MCF2L2: variants seen among roughly 807,000 people sequenced by gnomAD.
MCF2L2 encodes MCF.2 cell line derived transforming sequence-like 2.
A neutral mutation model predicts 150.2 loss-of-function variants in MCF2L2; 102 were observed. That is an observed-to-expected ratio of 0.68 (90% CI 0.58 to 0.80). MCF2L2 has a LOEUF of 0.80. Ranked by LOEUF, MCF2L2 falls within the 30% of genes least tolerant of loss-of-function variation. The pLI is 0.00. For synonymous variants in MCF2L2, 465 were observed against 491.3 expected, an observed-to-expected ratio of 0.95 and a Z score of 0.71; for missense variants, 1,256 against 1,372.8, an observed-to-expected ratio of 0.91 and a Z score of 1.34.
In MCF2L2 at chr3:183,411,131, G is replaced by A. The variant is rs561206721; in HGVS notation, c.76+16771C>T. Among the ~76,000 whole-genome samples the A allele has an allele frequency of 3.9e-5, 6 of 152,280 alleles. No homozygotes were observed. In the East Asian group the frequency reaches 7.7e-4, roughly 20 times the overall value. ...TGGTCCTGCCACTTACCAGCAAGAT[G>A]CTCCAAAAGGAGCTAATTTTTTTTT... On this transcript the variant is annotated intron_variant, in intron 1 of 29. Transcript: ENST00000328913.
chr3:183,211,277 C>T (rs1339929746), intron 22 of MCF2L2, among the ~76,000 whole-genome samples: 4 of 152,110 alleles, frequency 2.6e-5, no homozygotes, highest in African/African-American at 9.7e-5. Context: ...TTCCCATCTC[C>T]GCGAACTTGG....
chr3:183,189,161 G>C (rs1053747402), intron 27 of MCF2L2, among the ~76,000 whole-genome samples: 9 of 152,162 alleles, frequency 5.9e-5, no homozygotes, highest in African/African-American at 2.2e-4. Flanking sequence ...CTCACTGCTG[G>C]GGCCGAGCAC....
At chr3:183,233,940 A>G (rs1473434356) in intron 15 of MCF2L2, among the ~76,000 whole-genome samples, 1 of 152,226 alleles carries the variant, frequency 6.6e-6, no homozygotes, top group Non-Finnish European at 1.5e-5. Flanking sequence ...AAATACTTGT[A>G]TAAGACAAGA....
chr3:183,364,496 G>T (rs1056735782), intron 3 of MCF2L2, among the ~76,000 whole-genome samples: 1 of 151,788 alleles, frequency 6.6e-6, no homozygotes, highest in Non-Finnish European at 1.5e-5. Context: ...CTCCAGCCTG[G>T]GCAACAGAGC....
chr3:183,384,224 C>T (rs1713697869), intron 2 of MCF2L2, among the ~76,000 whole-genome samples: 1 of 152,210 alleles, frequency 6.6e-6, no homozygotes, highest in African/African-American at 2.4e-5. Flanking sequence ...AACATCCAAG[C>T]TCTCCTTGTT....
At chr3:183,287,592 T>C (rs1207285824) in intron 14 of MCF2L2, 2 of 152,214 alleles carry the variant, frequency 1.3e-5, no homozygotes, top group Non-Finnish European at 2.9e-5. Flanking sequence ...AAAATTGCTA[T>C]TTACTTTTTT....
chr3:183,214,586 T>C (rs568520092), intron 22 of MCF2L2, among the ~76,000 whole-genome samples: 1 of 151,804 alleles, frequency 6.6e-6, no homozygotes, highest in South Asian at 2.1e-4. Flanking sequence ...CAATACATGG[T>C]ATGTTCAAAA....
chr3:183,198,980 T>C (rs1051546790), intron 25 of MCF2L2, among the ~76,000 whole-genome samples: 1 of 152,226 alleles, frequency 6.6e-6, no homozygotes, highest in African/African-American at 2.4e-5. Context: ...ATAGTTTTTT[T>C]CCCATCTTAT....
intron 3 of MCF2L2, chr3:183,376,281 G>C (rs892490568): frequency 6.6e-6 from 1 of 152,186 alleles, no homozygotes; most frequent in Non-Finnish European, 1.5e-5. Flanking sequence ...TTTGGAAAAG[G>C]CTGCAAATGC....
chr3:183,395,354 G>GA (rs1343372212), intron 1 of MCF2L2, among the ~76,000 whole-genome samples: 31 of 152,064 alleles, frequency 2.0e-4, no homozygotes, highest in African/African-American at 7.2e-4. Context: ...AAAAAAGAAA[G>GA]AAAAAACCAA....
intron 15 of MCF2L2, among the ~76,000 whole-genome samples, chr3:183,274,965 G>T (rs974428589): frequency 1.5e-4 from 21 of 143,570 alleles, no homozygotes; most frequent in East Asian, 1.4e-3. Context: ...CTATAGCTTG[G>T]TTTTTTTTTT....
chr3:183,218,503 C>T (rs1490501467), intron 21 of MCF2L2, among the ~76,000 whole-genome samples: 5 of 151,886 alleles, frequency 3.3e-5, no homozygotes, highest in Non-Finnish European at 7.4e-5. Context: ...GGCGTGGTGG[C>T]GGGTGCCTGT....
At position 183,207,934 on chromosome 3, in the gene MCF2L2, A is replaced by G. The variant is rs1173707564; in HGVS notation, c.2497-111T>C. 5.4e-5 allele frequency: 44 copies of G among 811,452 alleles called. 1 individual carries two copies. In the South Asian group the frequency reaches 5.4e-4, roughly 10 times the overall value. 50.3% of individuals were successfully genotyped at this position (811,452 alleles called of 1,614,324 possible). A position where few individuals can be genotyped will look rare whatever the true frequency, so the allele number is the denominator to read the frequency against. On this transcript the variant is annotated intron_variant, in intron 22 of 29. Transcript: ENST00000328913. ...AAAGCATGCTTCTTTGAGGTTTACA[A>G]TTCTAAAAGTGCTATTCAGGCTGGT... is the stretch of plus-strand genomic sequence containing the variant.
At chr3:183,191,052 A>ATTTTTTTTT (rs1380012169) in intron 27 of MCF2L2, among the ~76,000 whole-genome samples, 1 of 151,772 alleles carries the variant, frequency 6.6e-6, no homozygotes, top group Non-Finnish European at 1.5e-5. Flanking sequence ...TGCCCGGCTA[A>ATTTTTTTTT]TTTTTTGTAT....
chr3:183,179,975 A>AG lies in MCF2L2; in HGVS notation c.3105+95dup. The stretch of plus-strand genomic sequence containing the variant: ...GTCCTTATGGGTGAGAATCCTGAGG[A>AG]GGGGGAGAGGGATGGAGGCTAGGGA... On this transcript the variant is annotated intron_variant, in intron 28 of 29. Transcript: ENST00000328913. This position sits in a 1 kb window ranked among gnomAD's most constrained non-coding sequence, Gnocchi z 4.2. The AG allele has an allele frequency of 9.9e-7, 1 of 1,007,492 alleles. No individual in the cohort carries two copies. The highest frequency in any genetic ancestry group is 1.5e-6 in the Non-Finnish European group (1 of 646,090). 62.4% of individuals were successfully genotyped at this position (1,007,492 alleles called of 1,614,324 possible). A position where few individuals can be genotyped will look rare whatever the true frequency, so the allele number is the denominator to read the frequency against.
chr3:183,380,789 T>C (rs374096263), intron 2 of MCF2L2, among the ~76,000 whole-genome samples: 21 of 152,122 alleles, frequency 1.4e-4, no homozygotes, highest in African/African-American at 4.6e-4. Flanking sequence ...TGGTACTTGC[T>C]GGAATAAAAA....
intron 13 of MCF2L2, 77 bp from the exon 14 acceptor site, chr3:183,289,297 T>G (rs964125982): frequency 2.1e-6 from 2 of 940,928 alleles, no homozygotes; most frequent in Non-Finnish European, 3.4e-6. Context: ...TTTGGACAAA[T>G]AGCTGGACCA....
chr3:183,319,338 C>T (rs1729723345), intron 6 of MCF2L2, among the ~76,000 whole-genome samples: 1 of 152,218 alleles, frequency 6.6e-6, no homozygotes, highest in South Asian at 2.1e-4. Flanking sequence ...ATTTCCACCA[C>T]ACCTGCAGTT....
intron 14 of MCF2L2, chr3:183,287,713 C>T (rs1326118208): frequency 6.6e-6 from 1 of 152,180 alleles, no homozygotes; most frequent in Non-Finnish European, 1.5e-5. Context: ...TGGCTACGTC[C>T]TAATCTGCCC....
Sources: gnomAD v4.1 joint callset for allele counts (sites outside exome capture counted in the v4.1 genomes callset) on GRCh38, gnomAD v4.1.1 for gene constraint, Gnocchi (gnomAD v3.1) non-coding constraint, MANE v1.5 for transcripts, NCBI Gene and HGNC (gene_info 2026-07-23, HGNC 2026-07-21) for gene names.